Variants in NUP133 observed in about 807,000 individuals in gnomAD.
NUP133 encodes nucleoporin 133, also known as nuclear pore complex protein Nup133.
A neutral mutation model predicts 146.2 loss-of-function variants in NUP133; 66 were observed. The ratio of observed to expected loss-of-function variants is 0.45; its 90% confidence interval spans 0.37 to 0.55. The LOEUF (loss-of-function observed/expected upper bound fraction) is 0.55, where lower values mean the gene tolerates loss of function less well. Among genes scored for constraint, NUP133 ranks in the 20% least tolerant of loss-of-function variants. The pLI is 0.00. For missense variants in NUP133, 1,277 were observed against 1,374.8 expected (o/e 0.93, Z 1.12); for synonymous variants, 521 against 498.8 (o/e 1.04, Z -0.59).
intron 3 of NUP133, among the ~76,000 whole-genome samples, chr1:229,501,145 C>T (rs1661789154): frequency 4.6e-5 from 7 of 152,178 alleles, no homozygotes; most frequent in Admixed American, 4.6e-4. Flanking sequence ...TAAGAGAAGA[C>T]TAAGTAAGGT....
At chr1:229,464,946 A>G in intron 17 of NUP133, 71 bp from the exon 18 acceptor site, 4 of 1,554,160 alleles carry the variant, frequency 2.6e-6, no homozygotes, top group Admixed American at 3.6e-5. Context: ...GACTAATAGC[A>G]TAAAAATTAT....
intron 8 of NUP133, 102 bp downstream of exon 8, chr1:229,495,393 A>C: frequency 1.3e-6 from 1 of 791,794 alleles, no homozygotes; most frequent in Non-Finnish European, 2.1e-6. Flanking sequence ...CCTGTCTCCA[A>C]AGAAAGAGCA....
intron 12 of NUP133, 54 bp from the exon 13 acceptor site, chr1:229,477,814 C>A (rs1169432990): frequency 1.4e-6 from 2 of 1,405,444 alleles, no homozygotes; most frequent in African/African-American, 1.4e-5. Flanking sequence ...ATTTTCAAAA[C>A]TCACCAAGAA....
chr1:229,465,546 C>CCTT, intron 16 of NUP133, 27 bp from the exon 17 acceptor site: 1 of 1,430,110 alleles, frequency 7.0e-7, no homozygotes, highest in Non-Finnish European at 9.9e-7. Flanking sequence ...TGTGTTATCA[C>CCTT]ATGCAAAAGG....
At chr1:229,500,537 C>T (rs898165206) in intron 4 of NUP133, among the ~76,000 whole-genome samples, 33 of 152,134 alleles carry the variant, frequency 2.2e-4, no homozygotes, top group African/African-American at 8.0e-4. Flanking sequence ...TGCTTTTGCA[C>T]CTTCATCAAA....
At chr1:229,455,619 T>C (rs1660543132) in intron 21 of NUP133, among the ~76,000 whole-genome samples, 1 of 151,958 alleles carries the variant, frequency 6.6e-6, no homozygotes, top group Admixed American at 6.6e-5. Context: ...CAGAAAAAAT[T>C]TTAAAATGCC....
chr1:229,473,619 C>T (rs1661007626), intron 14 of NUP133, among the ~76,000 whole-genome samples: 1 of 152,188 alleles, frequency 6.6e-6, no homozygotes, highest in Admixed American at 6.5e-5. Context: ...CTTTGCCACT[C>T]TTCCCATCGA....
chr1:229,452,844 G>A (rs1660485447), intron 21 of NUP133, among the ~76,000 whole-genome samples: 1 of 152,110 alleles, frequency 6.6e-6, no homozygotes, highest in African/African-American at 2.4e-5. Flanking sequence ...TCCATGGTTT[G>A]ATCAAAGTCC....
Position 229,498,219 on chromosome 1 carries a change from G to A in NUP133, c.736C>T (p.Pro246Ser), listed in dbSNP as rs200645813. 2.5e-6 allele frequency: 4 copies of A among 1,613,016 alleles called. No individual in the cohort carries two copies. Among genetic ancestry groups the A allele is most frequent in the South Asian group, 1.1e-5 (1 of 90,784 alleles). The change falls in exon 6 of 26, where the codon CCT becomes TCT. Residue 246 changes from proline (P) to serine (S), a missense_variant. By Grantham distance (74) the Pro-to-Ser change is moderately conservative. Coordinates refer to ENST00000261396, the MANE Select transcript of NUP133 (RefSeq NM_018230.3). ...SSGKIHQHILPQGQGMLSGIG... is the reference protein window; with the variant it reads ...SSGKIHQHILSQGQGMLSGIG... The stretch of plus-strand genomic sequence containing the variant: ...CCTGAAAGCATGCCTTGCCCCTGAG[G>A]CAGGATATGCTGATGAATCTTTCCT...
Position 229,502,220 on chromosome 1 carries a change from T to C in NUP133, c.302-118A>G, listed in dbSNP as rs1401692154. On this transcript the variant is annotated intron_variant, in intron 2 of 25. Coordinates refer to ENST00000261396, the MANE Select transcript of NUP133 (RefSeq NM_018230.3). ...AACGACTACCTCACAACAAATACTT[T>C]TGAATATTCCAAAATTATCAACACC... 26 of 676,492 alleles carry C rather than the reference T, an allele frequency of 3.8e-5. No individual in the cohort carries two copies. The East Asian group carries it at 4.8e-4, about 12-fold the overall frequency. 41.9% of individuals were successfully genotyped at this position (676,492 alleles called of 1,614,324 possible).
intron 15 of NUP133, among the ~76,000 whole-genome samples, chr1:229,468,766 G>C (rs539461572): frequency 2.6e-5 from 4 of 152,096 alleles, no homozygotes; most frequent in Non-Finnish European, 5.9e-5. Context: ...AATTATATAT[G>C]AATAAAGACC....
chr1:229,481,163 G>A (rs559205253), intron 12 of NUP133, among the ~76,000 whole-genome samples: 1 of 152,224 alleles, frequency 6.6e-6, no homozygotes, highest in African/African-American at 2.4e-5. Flanking sequence ...CAGCACAGCT[G>A]TGCTACAGGG....
intron 12 of NUP133, among the ~76,000 whole-genome samples, chr1:229,478,111 C>T (rs959336744): frequency 1.3e-5 from 2 of 151,630 alleles, no homozygotes; most frequent in Middle Eastern, 3.4e-3. Flanking sequence ...TCTCATGTAC[C>T]CCACAAACGT....
At position 229,489,966 on chromosome 1, in the gene NUP133, G is replaced by C. The variant is rs1274738979; in HGVS notation, c.1183C>G (p.Pro395Ala). The change falls in exon 9 of 26, where the codon CCA becomes GCA. Residue 395 changes from proline to alanine, a missense_variant. Transcript: ENST00000261396. ...AVTVEVTQYN[P>A]PFQSEDLILC... ...AATATAAATCTTACCTGAAAAGGTG[G>C]ATTATATTGAGTGACTTCTACAGTA... 6.3e-7 allele frequency: 1 copy of C among 1,594,628 alleles called. No individual in the cohort carries two copies. Among genetic ancestry groups the C allele is most frequent in the African/African-American group, 1.3e-5 (1 of 74,120 alleles).
At chr1:229,499,891 G>C in intron 4 of NUP133, 73 bp from the exon 5 acceptor site, 1 of 1,499,716 alleles carries the variant, frequency 6.7e-7, no homozygotes, top group East Asian at 2.3e-5. Flanking sequence ...TGATGGCAAT[G>C]ATACAAAGAA....
In NUP133 at chr1:229,450,605, G is replaced by A. The variant is rs137974652; in HGVS notation, c.3100C>T (p.Leu1034=). The A allele has an allele frequency of 1.6e-4, 231 of 1,468,956 alleles. 2 individuals carry two copies. Among genetic ancestry groups the A allele is most frequent in the Admixed American group, 4.5e-4 (24 of 52,822 alleles). The allele number at this position is 1,468,956 out of a possible 1,614,324, so 91.0% of individuals were successfully genotyped here. The change falls in exon 23 of 26, where the codon CTA becomes TTA. Residue 1034 remains leucine (L), a splice_region_variant and synonymous_variant. Coordinates refer to ENST00000261396, the MANE Select transcript of NUP133 (RefSeq NM_018230.3). ...CTTCTATTTTCTTCACAGATATATA[G>A]CTATGACAAGTTAAAATAAGGTAGA... ...PVLTAPQLIG[L]YICEENRRAN...
At chr1:229,449,469 G>T (rs1660392445) in intron 23 of NUP133, among the ~76,000 whole-genome samples, 1 of 151,166 alleles carries the variant, frequency 6.6e-6, no homozygotes, top group Admixed American at 6.6e-5. Context: ...CCTAGTTCAA[G>T]CAATTCCCCT....
intron 3 of NUP133, among the ~76,000 whole-genome samples, chr1:229,501,485 T>C (rs1306831640): frequency 6.6e-6 from 1 of 152,168 alleles, no homozygotes; most frequent in Non-Finnish European, 1.5e-5. Context: ...GAGAGTAGTG[T>C]ATCTAAGCTG....
chr1:229,440,302 A>G lies in NUP133; in HGVS notation c.*1602T>C, dbSNP rs1296586007. The G allele has an allele frequency of 6.6e-6, 1 of 152,228 alleles. No homozygotes were observed. Among genetic ancestry groups the G allele is most frequent in the Non-Finnish European group, 1.5e-5 (1 of 68,044 alleles). 9.4% of individuals were successfully genotyped at this position (152,228 alleles called of 1,614,324 possible). Reference sequence around the variant, plus strand: ...TTTACTGTTAAAATAATTTTTAAAAACTCAACCATTTGGGTGTAATAGCTA... The same window carrying G: ...TTTACTGTTAAAATAATTTTTAAAAGCTCAACCATTTGGGTGTAATAGCTA... On this transcript the variant is annotated 3_prime_UTR_variant, in exon 26 of 26. Coordinates refer to ENST00000261396, the MANE Select transcript of NUP133 (RefSeq NM_018230.3).
Sources: allele counts gnomAD v4.1 joint callset (sites outside exome capture counted in the v4.1 genomes callset), GRCh38; gene constraint gnomAD v4.1.1; transcripts MANE v1.5; gene names NCBI Gene and HGNC (gene_info 2026-07-23, HGNC 2026-07-21).